RNF216: variants seen among roughly 807,000 people sequenced by gnomAD.
The protein encoded by RNF216 is E3 ubiquitin-protein ligase RNF216.
RNF216 carries 72 observed loss-of-function variants against 110.8 expected under a neutral mutation model. The ratio of observed to expected loss-of-function variants is 0.65; its 90% CI spans 0.54 to 0.79. The LOEUF (loss-of-function observed/expected upper bound fraction) is 0.79. Among genes scored for constraint, RNF216 ranks in the 30% least tolerant of loss-of-function variants. RNF216 has a pLI of 0.00. For synonymous variants in RNF216, 495 were observed against 407.5 expected (o/e 1.21, Z -2.59); for missense variants, 1,342 against 1,141.2 (o/e 1.18, Z -2.54).
At chr7:5,673,040 T>C (rs982653109) in intron 13 of RNF216, among the ~76,000 whole-genome samples, 3 of 152,116 alleles carry the variant, frequency 2.0e-5, no homozygotes, top group Non-Finnish European at 4.4e-5. Flanking sequence ...GCAGGGTGTA[T>C]CCATCTCTCC....
intron 8 of RNF216, among the ~76,000 whole-genome samples, chr7:5,723,796 C>A (rs1324921646): frequency 6.6e-6 from 1 of 152,008 alleles, no homozygotes; most frequent in South Asian, 2.1e-4. Context: ...AGTGTTTAGA[C>A]GGAAAACAAA....
intron 14 of RNF216, among the ~76,000 whole-genome samples, chr7:5,644,096 T>C (rs1787905560): frequency 6.6e-6 from 1 of 152,072 alleles, no homozygotes; most frequent in Non-Finnish European, 1.5e-5. Flanking sequence ...AGTTGATGGA[T>C]TGAGTTTTTT....
chr7:5,678,778 CAGA>C (rs1790467071), intron 13 of RNF216, among the ~76,000 whole-genome samples: 1 of 152,214 alleles, frequency 6.6e-6, no homozygotes, highest in South Asian at 2.1e-4. Context: ...GCTCCTCACA[CAGA>C]AGGTGACGGA....
intron 10 of RNF216, 114 bp from the exon 11 acceptor site, chr7:5,715,304 C>T: frequency 9.9e-7 from 1 of 1,009,716 alleles, no homozygotes; most frequent in Admixed American, 2.0e-5. Context: ...GGTAAAGCAA[C>T]CCATTTTAGG....
At chr7:5,759,638 T>C (rs1300268449) in intron 2 of RNF216, among the ~76,000 whole-genome samples, 7 of 145,854 alleles carry the variant, frequency 4.8e-5, no homozygotes, top group Non-Finnish European at 1.1e-4. Flanking sequence ...TTCTTCTTTT[T>C]TTTTTTTTTT....
intron 7 of RNF216, among the ~76,000 whole-genome samples, chr7:5,725,763 T>A (rs1445583440): frequency 6.9e-6 from 1 of 145,780 alleles, no homozygotes; most frequent in South Asian, 2.1e-4. Context: ...GGCAGGAGAA[T>A]CGCTTGAACC....
At chr7:5,668,309 C>T (rs1164515478) in intron 13 of RNF216, among the ~76,000 whole-genome samples, 2 of 151,622 alleles carry the variant, frequency 1.3e-5, no homozygotes, top group Admixed American at 6.6e-5. Context: ...CTGCAAGCTC[C>T]GCCTCCCAGG....
In RNF216 at chr7:5,620,376, GT is replaced by G. The variant is rs1786278445; in HGVS notation, c.*2483del. On this transcript the variant is annotated 3_prime_UTR_variant, in exon 17 of 17. Transcript: ENST00000389902. ...GGAGCCAGCTGCCTCAGGGTTGCCT[GT>G]TGTCTGACCTGCTCTCTGGGCACTG... The G allele has an allele frequency of 6.6e-6, 1 of 152,258 alleles. No homozygotes were observed. The highest frequency in any genetic ancestry group is 2.4e-5 in the African/African-American group (1 of 41,462). 9.4% of individuals were successfully genotyped at this position (152,258 alleles called of 1,614,324 possible).
At position 5,694,926 on chromosome 7, in the gene RNF216, A is replaced by G. The variant is rs550248974; in HGVS notation, c.2061+16835T>C. ...CCAAGCATTTTATAGAAAAGACAAT[A>G]TACTTTCCAAAGACCCTGGTTAACT... On this transcript the variant is annotated intron_variant, in intron 13 of 16. Transcript: ENST00000389902. Among the ~76,000 whole-genome samples the G allele has an allele frequency of 2.0e-5, 3 of 152,362 alleles. No individual in the cohort carries two copies. The South Asian group carries it at 6.2e-4, about 32-fold the overall frequency.
intron 13 of RNF216, among the ~76,000 whole-genome samples, chr7:5,690,199 C>A (rs1482575740): frequency 6.7e-6 from 1 of 149,526 alleles, no homozygotes; most frequent in Non-Finnish European, 1.5e-5. Context: ...TGGTGGTGCA[C>A]ACCTGTAATC....
chr7:5,715,639 C>G (rs891151672), intron 10 of RNF216, among the ~76,000 whole-genome samples: 5 of 151,942 alleles, frequency 3.3e-5, no homozygotes, highest in Non-Finnish European at 7.4e-5. Context: ...TTTTAAGGGA[C>G]TATTGAAGCT....
At chr7:5,668,313 T>C (rs1789663252) in intron 13 of RNF216, among the ~76,000 whole-genome samples, 1 of 150,718 alleles carries the variant, frequency 6.6e-6, no homozygotes, top group Non-Finnish European at 1.5e-5. Context: ...AAGCTCCGCC[T>C]CCCAGGTTCA....
chr7:5,678,171 G>A (rs1166637883), intron 13 of RNF216, among the ~76,000 whole-genome samples: 1 of 152,118 alleles, frequency 6.6e-6, no homozygotes, highest in African/African-American at 2.4e-5. Context: ...CCCAAATCTA[G>A]GTTTACTTCT....
chr7:5,623,429 C>A (rs1040245959), intron 16 of RNF216, among the ~76,000 whole-genome samples: 5 of 151,974 alleles, frequency 3.3e-5, no homozygotes, highest in African/African-American at 1.2e-4. Context: ...TCCTTCAGAG[C>A]CAGGGCCTTG....
At chr7:5,740,029 CA>C (rs1193805331) in intron 4 of RNF216, among the ~76,000 whole-genome samples, 1 of 141,180 alleles carries the variant, frequency 7.1e-6, no homozygotes, top group Admixed American at 7.0e-5. Context: ...AAAAACAAAA[CA>C]AAAAAAACCC....
intron 15 of RNF216, among the ~76,000 whole-genome samples, chr7:5,636,178 C>G (rs1193101601): frequency 2.0e-5 from 3 of 152,160 alleles, no homozygotes; most frequent in Non-Finnish European, 4.4e-5. Context: ...AGTAAAGTTC[C>G]AGGATCACTC....
chr7:5,761,157 G>C lies in RNF216; in HGVS notation c.-69-19C>G, dbSNP rs975610063. 60 of 714,764 alleles carry C rather than the reference G, an allele frequency of 8.4e-5. No homozygotes were observed. Among genetic ancestry groups the C allele is most frequent in the Non-Finnish European group, 4.7e-5 (20 of 428,218 alleles). The allele number at this position is 714,764 out of a possible 1,614,324, so 44.3% of individuals were successfully genotyped here. Reference sequence around the variant, plus strand: ...AAAAGAACTGAAAAGGAAGCAAAGAGTAACAGTAAGAATGAGGGAGTATCA... The same window carrying C: ...AAAAGAACTGAAAAGGAAGCAAAGACTAACAGTAAGAATGAGGGAGTATCA... On this transcript the variant is annotated intron_variant, in intron 1 of 16. Coordinates refer to ENST00000389902, the MANE Select transcript of RNF216 (RefSeq NM_207111.4).
intron 8 of RNF216, 95 bp from the exon 9 acceptor site, chr7:5,721,267 T>G (rs1793408432): frequency 2.8e-6 from 3 of 1,055,512 alleles, no homozygotes; most frequent in Non-Finnish European, 4.2e-6. Context: ...ATCCTCCACC[T>G]TCTCTCTGAT....
At chr7:5,712,218 G>A (rs1357399196) in intron 12 of RNF216, among the ~76,000 whole-genome samples, 2 of 152,172 alleles carry the variant, frequency 1.3e-5, no homozygotes, top group East Asian at 1.9e-4. Flanking sequence ...GGTGGCTCAC[G>A]CCTGTAGTCC....
Sources: gnomAD v4.1 joint callset for allele counts (sites outside exome capture counted in the v4.1 genomes callset) on GRCh38, gnomAD v4.1.1 for gene constraint, MANE v1.5 for transcripts, NCBI Gene and HGNC (gene_info 2026-07-23, HGNC 2026-07-21) for gene names.